Variants in ULK4 observed in about 807,000 individuals in gnomAD.
The protein encoded by ULK4 is unc-51 like kinase 4.
In ULK4, 133 loss-of-function variants were observed where a neutral mutation model predicts 160.6. The observed-to-expected ratio is 0.83, with a 90% CI of 0.72 to 0.96. The LOEUF (loss-of-function observed/expected upper bound fraction) is 0.96. Among genes scored for constraint, ULK4 ranks in the 40% least tolerant of loss-of-function variants. The probability of loss-of-function intolerance (pLI) is 0.00; values close to 1 mark genes in which losing one functional copy is unlikely to be tolerated. For missense variants in ULK4, 1,580 were observed against 1,499.5 expected (o/e 1.05, Z -0.89); for synonymous variants, 534 against 539.8 (o/e 0.99, Z 0.15).
Position 41,274,120 on chromosome 3 carries a change from G to A in ULK4, c.3679-24546C>T, listed in dbSNP as rs1353397386. Among the ~76,000 whole-genome samples, 5 of 152,058 alleles carry A rather than the reference G, an allele frequency of 3.3e-5. No individual in the cohort carries two copies. The East Asian group carries it at 7.7e-4, about 23-fold the overall frequency. ...AGGCAGTAAGCTGAGGCAATCATAG[G>A]ACTCACCTGTTTTGTGTGCCATCTC... On this transcript the variant is annotated intron_variant, in intron 35 of 36. Transcript: ENST00000301831.
chr3:41,410,177 G>A lies in ULK4; in HGVS notation c.3493-11913C>T, dbSNP rs79788769. ...ATTTACTATATGACCCAGCTCCCAG[G>A]TATATACTGAAAAAAAGAAAGTCTA... On this transcript the variant is annotated intron_variant, in intron 34 of 36. Transcript: ENST00000301831. 2.4e-3 allele frequency among the ~76,000 whole-genome samples: 366 copies of A among 151,982 alleles called. 2 individuals are homozygous for A. Among genetic ancestry groups the A allele is most frequent in the East Asian group, 0.015 (77 of 5,170 alleles).
intron 31 of ULK4, among the ~76,000 whole-genome samples, chr3:41,596,910 G>A (rs575030332): frequency 2.6e-5 from 4 of 152,182 alleles, no homozygotes; most frequent in Non-Finnish European, 4.4e-5. Context: ...TGACATCATG[G>A]GCCAGATAAC....
intron 18 of ULK4, among the ~76,000 whole-genome samples, chr3:41,827,425 G>C (rs74444458): frequency 0.059 from 8,878 of 150,378 alleles, 821 homozygotes; most frequent in African/African-American, 0.2. Flanking sequence ...AAGACTATCA[G>C]ACAACAATCA....
chr3:41,659,104 A>G (rs1553628823), intron 30 of ULK4, among the ~76,000 whole-genome samples: 1 of 152,152 alleles, frequency 6.6e-6, no homozygotes, highest in Non-Finnish European at 1.5e-5. Flanking sequence ...AAACCTGTTT[A>G]TTTATTTATT....
At chr3:41,920,888 G>A (rs931230441) in intron 5 of ULK4, among the ~76,000 whole-genome samples, 1 of 152,246 alleles carries the variant, frequency 6.6e-6, no homozygotes, top group East Asian at 1.9e-4. Flanking sequence ...AGGAAACAAA[G>A]ACAAATAACG....
chr3:41,419,680 C>T (rs1229171898), intron 34 of ULK4, among the ~76,000 whole-genome samples: 1 of 152,122 alleles, frequency 6.6e-6, no homozygotes, highest in South Asian at 2.1e-4. Flanking sequence ...CTGATTTCTG[C>T]TCAGCTTCAA....
At chr3:41,855,599 T>C (rs1413997610) in intron 17 of ULK4, among the ~76,000 whole-genome samples, 1 of 152,236 alleles carries the variant, frequency 6.6e-6, no homozygotes, top group East Asian at 1.9e-4. Flanking sequence ...AATATTACAA[T>C]GTTGAGCTTG....
chr3:41,421,574 T>C (rs1207304396), intron 34 of ULK4, among the ~76,000 whole-genome samples: 1 of 152,228 alleles, frequency 6.6e-6, no homozygotes, highest in Non-Finnish European at 1.5e-5. Flanking sequence ...TATTAGATGA[T>C]GTTTTTCTAG....
At chr3:41,714,037 T>C (rs542071813) in intron 25 of ULK4, among the ~76,000 whole-genome samples, 11 of 152,308 alleles carry the variant, frequency 7.2e-5, no homozygotes, top group African/African-American at 2.6e-4. Flanking sequence ...CAGGCATCAA[T>C]ATGCCAACGC....
intron 5 of ULK4, among the ~76,000 whole-genome samples, chr3:41,928,470 A>C (rs1027888467): frequency 6.6e-6 from 1 of 152,070 alleles, no homozygotes; most frequent in Non-Finnish European, 1.5e-5. Flanking sequence ...TTCAAAAACT[A>C]GCAGAAGACA....
At position 41,789,728 on chromosome 3, in the gene ULK4, T is replaced by A; in HGVS notation, c.2126A>T (p.Tyr709Phe). 1 of 1,613,546 alleles carries A rather than the reference T, an allele frequency of 6.2e-7. No individual in the cohort carries two copies. The highest frequency in any genetic ancestry group is 1.1e-5 in the South Asian group (1 of 90,992). Residue 709 changes from tyrosine (Y) to phenylalanine (F), a missense_variant, in exon 21 of 37, where the codon TAC (tyrosine) becomes TTC (phenylalanine). By Grantham distance (22) the Tyr-to-Phe change is conservative (BLOSUM62 3). Transcript: ENST00000301831. ...LASAICKVQQ[Y>F]MLTLFAAMLS... is the part of the protein sequence containing the mutation. The stretch of plus-strand genomic sequence containing the variant: ...CATGGCAGCGAATAAGGTCAACATG[T>A]ACTGCTGAACTTTGCAGATGGCAGA...
At chr3:41,532,696 C>A (rs921643662) in intron 32 of ULK4, among the ~76,000 whole-genome samples, 3 of 152,082 alleles carry the variant, frequency 2.0e-5, no homozygotes, top group South Asian at 2.1e-4. Context: ...TGTTTTTGTG[C>A]TACAAGAGTG....
At chr3:41,450,608 C>G (rs545844928) in intron 34 of ULK4, among the ~76,000 whole-genome samples, 1 of 152,276 alleles carries the variant, frequency 6.6e-6, no homozygotes, top group East Asian at 1.9e-4. Context: ...CAAAATTATC[C>G]AAGTCAGATG....
intron 35 of ULK4, among the ~76,000 whole-genome samples, chr3:41,299,852 C>T (rs1437704879): frequency 6.6e-6 from 1 of 152,150 alleles, no homozygotes; most frequent in African/African-American, 2.4e-5. Flanking sequence ...CCTAATCATG[C>T]TCATGTTGGT....
At position 41,749,601 on chromosome 3, in the gene ULK4, T is replaced by C. The variant is rs114363668; in HGVS notation, c.2321+4760A>G. ...GCTATGATGTTCAGTAGGTTAGATG[T>C]ATTAAATGCATTTTTGACATGATAT... On this transcript the variant is annotated intron_variant, in intron 22 of 36. Transcript: ENST00000301831. 7.5e-3 allele frequency among the ~76,000 whole-genome samples: 1,142 copies of C among 152,302 alleles called. 12 individuals are homozygous for C. Among genetic ancestry groups the C allele is most frequent in the African/African-American group, 0.027 (1,102 of 41,568 alleles).
At chr3:41,376,579 AACAG>A (rs2081502685) in intron 35 of ULK4, among the ~76,000 whole-genome samples, 1 of 149,736 alleles carries the variant, frequency 6.7e-6, no homozygotes, top group South Asian at 2.2e-4. Flanking sequence ...ATACACCAAT[AACAG>A]ACAAACAGAG....
intron 19 of ULK4, among the ~76,000 whole-genome samples, chr3:41,818,300 G>A (rs1284373410): frequency 6.6e-6 from 1 of 152,070 alleles, no homozygotes; most frequent in Non-Finnish European, 1.5e-5. Context: ...ATCCCTAAAA[G>A]CCTTCTCTCT....
At chr3:41,580,828 A>G (rs549356260) in intron 31 of ULK4, among the ~76,000 whole-genome samples, 1 of 152,294 alleles carries the variant, frequency 6.6e-6, no homozygotes, top group South Asian at 2.1e-4. Flanking sequence ...GCTAACCTCC[A>G]AGGCCCTTTT....
At chr3:41,475,156 G>C (rs2084101564) in intron 32 of ULK4, among the ~76,000 whole-genome samples, 1 of 152,172 alleles carries the variant, frequency 6.6e-6, no homozygotes, top group African/African-American at 2.4e-5. Flanking sequence ...ATTTTATTCA[G>C]CCTTAAAAAA....
Sources: allele counts gnomAD v4.1 joint callset (sites outside exome capture counted in the v4.1 genomes callset), GRCh38; gene constraint gnomAD v4.1.1; transcripts MANE v1.5; gene names NCBI Gene and HGNC (gene_info 2026-07-23, HGNC 2026-07-21).